The following ECPAS variants were observed in gnomAD, a reference collection of about 807,000 sequenced individuals.
ECPAS encodes proteasome adapter and scaffold protein ECM29.
ECPAS carries 70 observed loss-of-function variants against 255.1 expected under a neutral mutation model. The ratio of observed to expected loss-of-function variants is 0.27; its 90% confidence interval spans 0.23 to 0.33. ECPAS has a LOEUF of 0.33. Among genes scored for constraint, ECPAS ranks in the 10% least tolerant of loss-of-function variants. The pLI, the probability that ECPAS is intolerant of heterozygous loss-of-function variation, is 1.00. For synonymous variants in ECPAS, 784 were observed against 775.0 expected (o/e 1.01, Z -0.19); for missense variants, 1,817 against 2,206.4 (o/e 0.82, Z 3.54).
chr9:111,394,994 G>C (rs1589140602), intron 25 of ECPAS, among the ~76,000 whole-genome samples: 1 of 152,226 alleles, frequency 6.6e-6, no homozygotes, highest in South Asian at 2.1e-4. Flanking sequence ...ATAGAAATTA[G>C]TCATAGAAAT....
rs571769680 is a variant in ECPAS at position 111,411,378 on chromosome 9, A to G, written c.2215-236T>C. Among the ~76,000 whole-genome samples the G allele has an allele frequency of 2.0e-5, 3 of 152,336 alleles. No homozygotes were observed. In the South Asian group the frequency reaches 6.2e-4, roughly 32 times the overall value. On this transcript the variant is annotated intron_variant, in intron 21 of 49. Coordinates refer to ENST00000684092, the MANE Select transcript of ECPAS (RefSeq NM_001364929.1). ...AATCTTGATTCACTTTAAGATTTAC[A>G]TTCTGTAATTCCATGCCCACTCCAA...
rs941833775 is a variant in ECPAS, at chr9:111,484,087, C to G, written c.-83+29G>C. The G allele has an allele frequency of 1.6e-4, 200 of 1,267,006 alleles. No homozygotes were observed. Among genetic ancestry groups the G allele is most frequent in the Non-Finnish European group, 2.0e-4 (199 of 1,007,164 alleles). The allele number at this position is 1,267,006 out of a possible 1,614,324, so 78.5% of individuals were successfully genotyped here. On this transcript the variant is annotated intron_variant, in intron 1 of 49. Transcript: ENST00000684092. Reference sequence around the variant, plus strand: ...GCGCCGCCGCGCGCGCAGGGCCAGTCCCCCGCGGCCCGGGGGCGGGCCTCT... The same window carrying G: ...GCGCCGCCGCGCGCGCAGGGCCAGTGCCCCGCGGCCCGGGGGCGGGCCTCT...
intron 10 of ECPAS, among the ~76,000 whole-genome samples, chr9:111,426,520 C>T (rs1454644527): frequency 6.6e-6 from 1 of 151,854 alleles, no homozygotes; most frequent in African/African-American, 2.4e-5. Flanking sequence ...TAAAAAAGAA[C>T]AAGCACTCAA....
At chr9:111,466,189 C>T (rs572922710) in intron 2 of ECPAS, among the ~76,000 whole-genome samples, 1 of 152,140 alleles carries the variant, frequency 6.6e-6, no homozygotes, top group African/African-American at 2.4e-5. Flanking sequence ...TGGCTCACAC[C>T]TGTAATCCCA....
chr9:111,374,004 G>A lies in ECPAS; in HGVS notation c.4145C>T (p.Thr1382Ile), dbSNP rs758346554. 5.0e-6 allele frequency: 8 copies of A among 1,613,422 alleles called. No homozygotes were observed. The highest frequency in any genetic ancestry group is 2.2e-5 in the South Asian group (2 of 91,056). The change falls in exon 39 of 50, where the codon ACT becomes ATT. Residue 1382 changes from threonine to isoleucine, a missense_variant. Physicochemically the swap from Thr to Ile is moderately conservative, Grantham distance 89. Coordinates refer to ENST00000684092, the MANE Select transcript of ECPAS (RefSeq NM_001364929.1). Reference protein sequence around the residue: ...GCASVIVSLTTQCPQDLTPYS... With the variant: ...GCASVIVSLTIQCPQDLTPYS... ...AGGTGTTAGGTCCTGAGGACACTGA[G>A]TAGTTAATGACACAATGACACTGGC... is the stretch of plus-strand genomic sequence containing the variant.
At chr9:111,406,672 G>C (rs950087926) in intron 24 of ECPAS, among the ~76,000 whole-genome samples, 1 of 149,384 alleles carries the variant, frequency 6.7e-6, no homozygotes, top group Non-Finnish European at 1.5e-5. Context: ...GGGAGATCCA[G>C]GTGGGAGGAT....
intron 6 of ECPAS, among the ~76,000 whole-genome samples, chr9:111,438,609 T>C (rs188923309): frequency 6.6e-6 from 1 of 152,182 alleles, no homozygotes; most frequent in East Asian, 1.9e-4. Context: ...CAAACAAACA[T>C]CATCCTAAAC....
chr9:111,401,856 C>T (rs1433627988), intron 24 of ECPAS, among the ~76,000 whole-genome samples: 1 of 152,190 alleles, frequency 6.6e-6, no homozygotes, highest in African/African-American at 2.4e-5. Flanking sequence ...GGCAGTCAGA[C>T]CTTACGGTTA....
In ECPAS at chr9:111,433,356, A is replaced by T; in HGVS notation, c.725T>A (p.Val242Glu). 1 of 1,613,958 alleles carries T rather than the reference A, an allele frequency of 6.2e-7. No homozygotes were observed. Among genetic ancestry groups the T allele is most frequent in the Non-Finnish European group, 8.5e-7 (1 of 1,179,864 alleles). The change falls in exon 8 of 50, where the codon GTG (valine) becomes GAG (glutamate). Residue 242 changes from valine (V) to glutamate (E), a missense_variant. Coordinates refer to ENST00000684092, the MANE Select transcript of ECPAS (RefSeq NM_001364929.1). ...CACCTGTTCAGCTTCTATGAATTTC[A>T]CGATTCCCAATTTGCACTGTAGATA... Reference protein sequence around the residue: ...EQLEQCKLGIVKFIEAEQVPE... With the variant: ...EQLEQCKLGIEKFIEAEQVPE...
intron 45 of ECPAS, among the ~76,000 whole-genome samples, chr9:111,369,414 G>A (rs1468542988): frequency 2.0e-5 from 3 of 152,162 alleles, no homozygotes; most frequent in Non-Finnish European, 2.9e-5. Flanking sequence ...TACTGCATAT[G>A]TAGTCTTTTG....
rs771334083 is a variant in ECPAS at position 111,375,132 on chromosome 9, C to A, written c.4091G>T (p.Gly1364Val). Residue 1364 changes from glycine to valine, a missense_variant, in exon 38 of 50, where the codon GGT (glycine) becomes GTT (valine). Coordinates refer to ENST00000684092, the MANE Select transcript of ECPAS (RefSeq NM_001364929.1). ...VPRLCELIRS[G>V]VGLGTKGGCA... ...ACTTACCTTAGTTCCAAGACCTACA[C>A]CACTTCTGATCAGTTCACACAACCT... 2 of 1,613,494 alleles carry A rather than the reference C, an allele frequency of 1.2e-6. No individual in the cohort carries two copies. Among genetic ancestry groups the A allele is most frequent in the Admixed American group, 3.3e-5 (2 of 60,020 alleles).
At chr9:111,453,507 G>A (rs143042404) in intron 2 of ECPAS, among the ~76,000 whole-genome samples, 107 of 152,130 alleles carry the variant, frequency 7.0e-4, no homozygotes, top group Non-Finnish European at 1.4e-3. Context: ...ACAGGAGGTG[G>A]AGCTTAATTC....
At chr9:111,440,666 T>A in intron 5 of ECPAS, 145 bp from the exon 6 acceptor site, 1 of 616,932 alleles carries the variant, frequency 1.6e-6, no homozygotes, top group Non-Finnish European at 2.8e-6. Flanking sequence ...ATTTACAAAG[T>A]CCTAATCTAG....
chr9:111,410,666 G>A (rs541170258), intron 22 of ECPAS, among the ~76,000 whole-genome samples: 17 of 152,004 alleles, frequency 1.1e-4, no homozygotes, highest in African/African-American at 3.6e-4. Flanking sequence ...ACAGGTACAC[G>A]CCACCATACC....
Position 111,362,025 on chromosome 9 carries a change from C to G in ECPAS, c.*5G>C. The G allele has an allele frequency of 6.2e-7, 1 of 1,611,074 alleles. No homozygotes were observed. The highest frequency in any genetic ancestry group is 2.2e-5 in the East Asian group (1 of 44,852). Reference sequence around the variant, plus strand: ...TGGCACTTGTTTGTTTCTTCCCCTTCTAATTTATTCCAGATTTTCAAGTGT... The same window carrying G: ...TGGCACTTGTTTGTTTCTTCCCCTTGTAATTTATTCCAGATTTTCAAGTGT... On this transcript the variant is annotated 3_prime_UTR_variant, in exon 50 of 50. Transcript: ENST00000684092.
intron 45 of ECPAS, among the ~76,000 whole-genome samples, chr9:111,369,908 A>G (rs1422155698): frequency 1.3e-5 from 2 of 152,172 alleles, no homozygotes; most frequent in Admixed American, 6.5e-5. Flanking sequence ...TTAGCTTATT[A>G]GCCAAGGCAA....
At chr9:111,423,426 T>G (rs1385886997) in intron 12 of ECPAS, among the ~76,000 whole-genome samples, 178 bp from the exon 13 acceptor site, 2 of 152,092 alleles carry the variant, frequency 1.3e-5, no homozygotes, top group Non-Finnish European at 2.9e-5. Flanking sequence ...AACAAAAATG[T>G]CCAAACCCAG....
intron 48 of ECPAS, chr9:111,365,937 C>T (rs950073763): frequency 1.5e-4 from 48 of 322,642 alleles, no homozygotes; most frequent in African/African-American, 9.7e-4. Flanking sequence ...AAAGTGTATA[C>T]ATATTGCAGA....
intron 31 of ECPAS, among the ~76,000 whole-genome samples, chr9:111,387,424 CTCA>C (rs1455675251): frequency 8.6e-5 from 13 of 151,228 alleles, no homozygotes; most frequent in South Asian, 2.1e-4. Flanking sequence ...CAGTGTCTCA[CTCA>C]TCGTCAGTGC....
Sources: allele counts gnomAD v4.1 joint callset (sites outside exome capture counted in the v4.1 genomes callset), GRCh38; gene constraint gnomAD v4.1.1; transcripts MANE v1.5; gene names NCBI Gene and HGNC (gene_info 2026-07-23, HGNC 2026-07-21).